Variants in HECW2 observed in about 807,000 individuals in gnomAD.
The protein encoded by HECW2 is E3 ubiquitin-protein ligase HECW2.
Under a neutral mutation model 175.2 loss-of-function variants are expected in HECW2, and 61 were observed. That is an observed-to-expected ratio of 0.35 (90% CI 0.28 to 0.43). The LOEUF is 0.43. Among genes scored for constraint, HECW2 ranks in the 20% least tolerant of loss-of-function variants. The probability of loss-of-function intolerance (pLI) is 1.00; values close to 1 mark genes in which losing one functional copy is unlikely to be tolerated. For synonymous variants in HECW2, 671 were observed against 731.0 expected (o/e 0.92, Z 1.32); for missense variants, 1,524 against 2,000.5 (o/e 0.76, Z 4.54).
chr2:196,360,266 T>G (rs749266248), intron 2 of HECW2, among the ~76,000 whole-genome samples: 1 of 152,164 alleles, frequency 6.6e-6, no homozygotes, highest in Admixed American at 6.5e-5. Flanking sequence ...TGCAGCACTA[T>G]TCACAAGAGC....
intron 16 of HECW2, among the ~76,000 whole-genome samples, chr2:196,272,684 T>C (rs75717094): frequency 0.069 from 10,564 of 152,244 alleles, 618 homozygotes; most frequent in African/African-American, 0.16. Context: ...TTTAAAGAAA[T>C]ACTACCTGCT....
intron 15 of HECW2, among the ~76,000 whole-genome samples, chr2:196,276,440 G>T (rs1689958720): frequency 6.6e-6 from 1 of 152,132 alleles, no homozygotes; most frequent in African/African-American, 2.4e-5. Context: ...GAAAATGAAA[G>T]TATAGCTATT....
chr2:196,511,357 GT>G (rs1435326135), intron 1 of HECW2, among the ~76,000 whole-genome samples: 2 of 152,130 alleles, frequency 1.3e-5, no homozygotes. Flanking sequence ...AATCGTTAAG[GT>G]AGAAATGGAC....
At chr2:196,531,012 G>A (rs1203211644) in intron 1 of HECW2, among the ~76,000 whole-genome samples, 1 of 151,976 alleles carries the variant, frequency 6.6e-6, no homozygotes, top group Non-Finnish European at 1.5e-5. Context: ...CACTTCCTCC[G>A]CAATATTATC....
At chr2:196,246,393 T>C (rs1271120181) in intron 19 of HECW2, among the ~76,000 whole-genome samples, 1 of 152,144 alleles carries the variant, frequency 6.6e-6, no homozygotes, top group African/African-American at 2.4e-5. Context: ...AAGAAACTTT[T>C]TTTTTTTCTT....
At chr2:196,224,799 G>C (rs1185890942) in intron 23 of HECW2, among the ~76,000 whole-genome samples, 1 of 152,126 alleles carries the variant, frequency 6.6e-6, no homozygotes, top group Non-Finnish European at 1.5e-5. Flanking sequence ...GAGAAGATAA[G>C]AGATAAGGCA....
At chr2:196,421,629 C>T (rs540311880) in intron 2 of HECW2, among the ~76,000 whole-genome samples, 15 of 152,176 alleles carry the variant, frequency 9.9e-5, no homozygotes, top group Admixed American at 3.3e-4. Flanking sequence ...ATTTCTAAAC[C>T]GCATGCAAAA....
intron 19 of HECW2, among the ~76,000 whole-genome samples, chr2:196,250,816 T>C (rs1688825742): frequency 1.3e-5 from 2 of 152,062 alleles, no homozygotes; most frequent in Admixed American, 6.6e-5. Context: ...TAAAATTCCT[T>C]CCCTCTCTCT....
intron 4 of HECW2, among the ~76,000 whole-genome samples, chr2:196,333,011 A>C (rs1440996454): frequency 6.6e-6 from 1 of 152,074 alleles, no homozygotes; most frequent in Non-Finnish European, 1.5e-5. Context: ...TGCACACACT[A>C]TTCCCTCTGC....
At chr2:196,533,055 A>G (rs184501314) in intron 1 of HECW2, among the ~76,000 whole-genome samples, 2 of 152,208 alleles carry the variant, frequency 1.3e-5, no homozygotes, top group Non-Finnish European at 2.9e-5. Flanking sequence ...GTGGAGACCA[A>G]CTGAATTTCC....
In HECW2 at chr2:196,518,654, CAAAAAA is replaced by C. The variant is rs747681637; in HGVS notation, c.-36+74848_-36+74853del. Among the ~76,000 whole-genome samples the C allele has an allele frequency of 4.2e-3, 323 of 77,414 alleles. 3 individuals are homozygous for C. The highest frequency in any genetic ancestry group is 0.01 in the African/African-American group (272 of 26,634). 50.8% of individuals were successfully genotyped at this position (77,414 alleles called of 152,430 possible). ...TAGGCAACAGAGCGAGATTCTGTCT[CAAAAAA>C]AAAAAAAAAAAAAAAAAACCCTTTA... On this transcript the variant is annotated intron_variant, in intron 1 of 28. Coordinates refer to ENST00000644978, the MANE Select transcript of HECW2 (RefSeq NM_001348768.2).
At chr2:196,527,511 A>C (rs1203072988) in intron 1 of HECW2, among the ~76,000 whole-genome samples, 2 of 152,168 alleles carry the variant, frequency 1.3e-5, no homozygotes, top group Non-Finnish European at 2.9e-5. Context: ...GAATCCCTTC[A>C]TTTTAATCCA....
At chr2:196,382,938 T>C (rs998358939) in intron 2 of HECW2, among the ~76,000 whole-genome samples, 5 of 152,212 alleles carry the variant, frequency 3.3e-5, no homozygotes, top group Non-Finnish European at 4.4e-5. Context: ...TTAACTTTCA[T>C]GATCAGGGAC....
intron 4 of HECW2, among the ~76,000 whole-genome samples, chr2:196,333,712 A>AC (rs2105801462): frequency 6.6e-6 from 1 of 152,352 alleles, no homozygotes; most frequent in East Asian, 1.9e-4. Context: ...TGAGACTGTT[A>AC]GATTCTAAAA....
chr2:196,359,084 T>A (rs971792039), intron 2 of HECW2, among the ~76,000 whole-genome samples: 1 of 152,238 alleles, frequency 6.6e-6, no homozygotes, highest in Non-Finnish European at 1.5e-5. Context: ...TCACTATGTG[T>A]GTAAAGAGTT....
chr2:196,526,573 G>C (rs2125444933), intron 1 of HECW2, among the ~76,000 whole-genome samples: 1 of 150,586 alleles, frequency 6.6e-6, no homozygotes, highest in South Asian at 2.1e-4. Flanking sequence ...AGAGTTTCCA[G>C]TTTTTCTGTT....
intron 25 of HECW2, 96 bp downstream of exon 25, chr2:196,220,699 C>T: frequency 7.7e-7 from 1 of 1,296,144 alleles, no homozygotes; most frequent in Non-Finnish European, 1.1e-6. Flanking sequence ...ACAGTAAATA[C>T]AGCAGAAATA....
chr2:196,473,155 CA>C (rs1461179096), intron 1 of HECW2, among the ~76,000 whole-genome samples: 1 of 152,112 alleles, frequency 6.6e-6, no homozygotes, highest in Admixed American at 6.5e-5. Context: ...CCACATTTTT[CA>C]AAAATCAAAC....
At chr2:196,366,760 G>A (rs1693756283) in intron 2 of HECW2, among the ~76,000 whole-genome samples, 1 of 152,144 alleles carries the variant, frequency 6.6e-6, no homozygotes, top group African/African-American at 2.4e-5. Context: ...AAACACAAAT[G>A]TTTCCAAGTG....
Sources: allele counts gnomAD v4.1 joint callset (sites outside exome capture counted in the v4.1 genomes callset), GRCh38; gene constraint gnomAD v4.1.1; transcripts MANE v1.5; gene names NCBI Gene and HGNC (gene_info 2026-07-23, HGNC 2026-07-21).